The following KALRN variants were observed in gnomAD, a reference collection of about 807,000 sequenced individuals.
KALRN encodes kalirin RhoGEF kinase.
A neutral mutation model predicts 353.7 loss-of-function variants in KALRN; 70 were observed. That is an observed-to-expected ratio of 0.20 (90% confidence interval 0.16 to 0.24). The LOEUF (loss-of-function observed/expected upper bound fraction) is 0.24. KALRN is among the 10% of genes least tolerant of loss of function. The probability of loss-of-function intolerance (pLI) is 1.00; values close to 1 mark genes in which losing one functional copy is unlikely to be tolerated. For synonymous variants in KALRN, 1,391 were observed against 1,434.8 expected (o/e 0.97, Z 0.69); for missense variants, 2,791 against 3,756.7 (o/e 0.74, Z 6.72).
At chr3:124,506,865 T>C (rs1397437794) in intron 33 of KALRN, among the ~76,000 whole-genome samples, 1 of 152,256 alleles carries the variant, frequency 6.6e-6, no homozygotes, top group Non-Finnish European at 1.5e-5. Flanking sequence ...TATTTTCCTT[T>C]ACTTGGGATT....
At chr3:124,644,206 TA>T (rs35127597) in intron 37 of KALRN, among the ~76,000 whole-genome samples, 35,623 of 151,960 alleles carry the variant, frequency 0.23, 4,492 homozygotes, top group East Asian at 0.47. Flanking sequence ...TTTGACCTTT[TA>T]AAAAAATATT....
chr3:124,675,753 G>A (rs936484027), intron 49 of KALRN, among the ~76,000 whole-genome samples: 4 of 152,098 alleles, frequency 2.6e-5, no homozygotes, highest in African/African-American at 7.2e-5. Flanking sequence ...GTCAATTAAT[G>A]ACCAGAGTAG....
At chr3:124,311,937 A>AGTC (rs2078306616) in intron 6 of KALRN, among the ~76,000 whole-genome samples, 1 of 152,214 alleles carries the variant, frequency 6.6e-6, no homozygotes, top group Non-Finnish European at 1.5e-5. Flanking sequence ...TTATTTGAAA[A>AGTC]GTCCAGAATA....
intron 1 of KALRN, among the ~76,000 whole-genome samples, chr3:124,056,795 A>T (rs1442452144): frequency 6.6e-6 from 1 of 152,180 alleles, no homozygotes; most frequent in Non-Finnish European, 1.5e-5. Flanking sequence ...AGCCAATTAC[A>T]GTATCCTTAG....
chr3:124,667,503 A>G (rs188687029), intron 47 of KALRN, among the ~76,000 whole-genome samples: 2 of 152,312 alleles, frequency 1.3e-5, no homozygotes, highest in East Asian at 3.9e-4. Flanking sequence ...CTCTGTGTCT[A>G]AGGAACCAGG....
intron 38 of KALRN, among the ~76,000 whole-genome samples, chr3:124,651,374 C>A (rs1271407798): frequency 6.6e-6 from 1 of 152,188 alleles, no homozygotes; most frequent in African/African-American, 2.4e-5. Flanking sequence ...GTTGTACCAC[C>A]AAGCAGGTCC....
chr3:124,413,970 G>T (rs1271746311), intron 14 of KALRN, among the ~76,000 whole-genome samples: 1 of 152,078 alleles, frequency 6.6e-6, no homozygotes, highest in Non-Finnish European at 1.5e-5. Flanking sequence ...TCCAGGTGTG[G>T]GGGCAGATGC....
In KALRN at chr3:124,642,806, G is replaced by GTTTTTTTTTTGTTGTTGTT. The variant is rs1553707031; in HGVS notation, c.5664+5513_5664+5514insGTTGTTGTTTTTTTTTTTT. 1.7e-4 allele frequency among the ~76,000 whole-genome samples: 16 copies of GTTTTTTTTTTGTTGTTGTT among 96,820 alleles called. 1 individual carries two copies. Among genetic ancestry groups the GTTTTTTTTTTGTTGTTGTT allele is most frequent in the African/African-American group, 4.5e-4 (10 of 22,310 alleles). The allele number at this position is 96,820 out of a possible 152,430, so 63.5% of individuals were successfully genotyped here. A position where few individuals can be genotyped will look rare whatever the true frequency, so the allele number is the denominator to read the frequency against. On this transcript the variant is annotated intron_variant, in intron 37 of 59. Coordinates refer to ENST00000682506, the MANE Select transcript of KALRN (RefSeq NM_001388419.1). ...TCTGTGGAAGAGATTCCCAAGCCTC[G>GTTTTTTTTTTGTTGTTGTT]TTTTTTTTTTTTTTTTTTTTGAGAC...
At position 124,417,137 on chromosome 3, in the gene KALRN, A is replaced by G. The variant is rs527528847; in HGVS notation, c.2542+3472A>G. Among the ~76,000 whole-genome samples, 27 of 152,324 alleles carry G rather than the reference A, an allele frequency of 1.8e-4. No homozygotes were observed. The East Asian group carries it at 3.7e-3, about 21-fold the overall frequency. Reference sequence around the variant, plus strand: ...TTCTTTCCTCACAATGGAATCATCTATTTGAGCCTCAAGTTGGGAGATGGT... The same window carrying G: ...TTCTTTCCTCACAATGGAATCATCTGTTTGAGCCTCAAGTTGGGAGATGGT... On this transcript the variant is annotated intron_variant, in intron 14 of 59. Transcript: ENST00000682506.
chr3:124,429,229 T>A (rs2150429223), intron 15 of KALRN, among the ~76,000 whole-genome samples: 1 of 152,334 alleles, frequency 6.6e-6, no homozygotes, highest in South Asian at 2.1e-4. Flanking sequence ...AATTAACATC[T>A]CAATCCAAGT....
chr3:124,313,401 A>G (rs1043860028), intron 6 of KALRN, among the ~76,000 whole-genome samples: 1 of 152,248 alleles, frequency 6.6e-6, no homozygotes, highest in African/African-American at 2.4e-5. Flanking sequence ...ACCTGTTCTT[A>G]TCAATCAAGT....
chr3:124,511,366 AT>A (rs1322829820), intron 33 of KALRN, among the ~76,000 whole-genome samples: 2 of 152,146 alleles, frequency 1.3e-5, no homozygotes, highest in East Asian at 1.9e-4. Context: ...AACTAAACTC[AT>A]CATATACCAC....
chr3:124,438,953 A>C lies in KALRN; in HGVS notation c.3114A>C (p.Arg1038=), dbSNP rs199691147. Residue 1038 remains arginine, a synonymous_variant, in exon 18 of 60, where the codon CGA becomes CGC. Coordinates refer to ENST00000682506, the MANE Select transcript of KALRN (RefSeq NM_001388419.1). Reference sequence around the variant, plus strand: ...GAGATGAGGACTGGTGTGGTGGACGAGATAAGCTGGGGCCAGCAGCAGAGA... The same window carrying C: ...GAGATGAGGACTGGTGTGGTGGACGCGATAAGCTGGGGCCAGCAGCAGAGA... ...YRRDEDWCGG[R]DKLGPAAEID... 15 of 1,614,116 alleles carry C rather than the reference A, an allele frequency of 9.3e-6. No individual in the cohort carries two copies. Among genetic ancestry groups the C allele is most frequent in the Non-Finnish European group, 1.7e-6 (2 of 1,180,030 alleles).
chr3:124,718,735 G>A (rs760312219), intron 59 of KALRN, among the ~76,000 whole-genome samples, 190 bp from the exon 60 acceptor site: 1 of 152,214 alleles, frequency 6.6e-6, no homozygotes, highest in Non-Finnish European at 1.5e-5. Context: ...CAAACTCAAA[G>A]TGTAGTAAGC....
intron 33 of KALRN, among the ~76,000 whole-genome samples, chr3:124,553,540 C>T (rs2070807259): frequency 1.3e-5 from 2 of 152,360 alleles, no homozygotes; most frequent in South Asian, 4.1e-4. Context: ...CTGGGGCTTT[C>T]AGAGAAGCCC....
chr3:124,272,858 G>A (rs545469360), intron 5 of KALRN, among the ~76,000 whole-genome samples: 78 of 152,326 alleles, frequency 5.1e-4, no homozygotes, highest in African/African-American at 1.8e-3. Flanking sequence ...TTGGAAGGGG[G>A]TGAAGAGGGT....
chr3:124,037,832 T>C (rs934923726), intron 1 of KALRN, among the ~76,000 whole-genome samples: 3 of 152,084 alleles, frequency 2.0e-5, no homozygotes, highest in African/African-American at 7.2e-5. Context: ...GGACTGACAG[T>C]GTCTGACTGA....
chr3:124,636,956 C>A, intron 36 of KALRN: 1 of 448,126 alleles, frequency 2.2e-6, no homozygotes, highest in Non-Finnish European at 4.1e-6. Flanking sequence ...TTCTCCTCTC[C>A]CCTCCTTCAT....
intron 7 of KALRN, among the ~76,000 whole-genome samples, chr3:124,326,731 A>G (rs2079953908): frequency 6.6e-6 from 1 of 152,236 alleles, no homozygotes; most frequent in Non-Finnish European, 1.5e-5. Flanking sequence ...GGCCTGCCTA[A>G]GATCCCATGA....
Sources: gnomAD v4.1 joint callset for allele counts (sites outside exome capture counted in the v4.1 genomes callset) on GRCh38, gnomAD v4.1.1 for gene constraint, MANE v1.5 for transcripts, NCBI Gene and HGNC (gene_info 2026-07-23, HGNC 2026-07-21) for gene names.